Variants in TMEM132D observed in about 807,000 individuals in gnomAD.
TMEM132D encodes mature OL transmembrane protein.
In TMEM132D, 21 loss-of-function variants were observed where a neutral mutation model predicts 62.3. The ratio of observed to expected loss-of-function variants is 0.34; its 90% CI spans 0.24 to 0.49. The LOEUF (loss-of-function observed/expected upper bound fraction) is 0.49. TMEM132D is among the 20% of genes least tolerant of loss of function. The pLI is 0.99. For synonymous variants in TMEM132D, 621 were observed against 575.6 expected (o/e 1.08, Z -1.13); for missense variants, 1,346 against 1,402.8 (o/e 0.96, Z 0.65).
intron 1 of TMEM132D, among the ~76,000 whole-genome samples, chr12:129,809,467 G>A (rs947737918): frequency 1.3e-5 from 2 of 152,046 alleles, no homozygotes; most frequent in South Asian, 2.1e-4. Flanking sequence ...GAGTCAGTGC[G>A]TGAGGGGTTT....
intron 1 of TMEM132D, among the ~76,000 whole-genome samples, chr12:129,860,382 G>T (rs1200974302): frequency 6.6e-6 from 1 of 152,160 alleles, no homozygotes; most frequent in African/African-American, 2.4e-5. Flanking sequence ...TGTTAACTTG[G>T]AGTAGATTGA....
intron 2 of TMEM132D, among the ~76,000 whole-genome samples, chr12:129,560,362 C>A (rs370349608): frequency 2.0e-5 from 3 of 151,734 alleles, no homozygotes; most frequent in Admixed American, 2.0e-4. Flanking sequence ...CTCCACTTCC[C>A]AGGCTCAAGC....
chr12:129,674,949 T>C (rs1483755605), intron 2 of TMEM132D, among the ~76,000 whole-genome samples: 1 of 152,232 alleles, frequency 6.6e-6, no homozygotes, highest in Non-Finnish European at 1.5e-5. Context: ...ATTCTGATTG[T>C]TTTCAGCATG....
intron 2 of TMEM132D, among the ~76,000 whole-genome samples, chr12:129,554,120 C>T (rs1190295765): frequency 6.6e-6 from 1 of 152,176 alleles, no homozygotes; most frequent in Non-Finnish European, 1.5e-5. Context: ...TATGTCCCTT[C>T]CACAGTTTCT....
chr12:129,560,210 A>T (rs1268106553), intron 2 of TMEM132D, among the ~76,000 whole-genome samples: 1 of 151,850 alleles, frequency 6.6e-6, no homozygotes, highest in African/African-American at 2.4e-5. Context: ...TTAACATTCA[A>T]CATGCATCTT....
chr12:129,760,207 C>T (rs1190339476), intron 1 of TMEM132D, among the ~76,000 whole-genome samples: 2 of 151,896 alleles, frequency 1.3e-5, no homozygotes, highest in Admixed American at 6.6e-5. Flanking sequence ...GTGCCCAGCC[C>T]ATCTCCTCTT....
At chr12:129,710,145 T>A (rs1170371585) in intron 1 of TMEM132D, among the ~76,000 whole-genome samples, 2 of 152,154 alleles carry the variant, frequency 1.3e-5, no homozygotes, top group African/African-American at 4.8e-5. Context: ...TATACCCACA[T>A]AAAGGAAAAA....
chr12:129,081,562 T>C (rs1874445726), intron 7 of TMEM132D, among the ~76,000 whole-genome samples, 197 bp downstream of exon 7: 1 of 152,100 alleles, frequency 6.6e-6, no homozygotes, highest in Non-Finnish European at 1.5e-5. Flanking sequence ...CCTCCCAAAG[T>C]GCTGGGATTA....
intron 1 of TMEM132D, among the ~76,000 whole-genome samples, chr12:129,869,011 T>C (rs953098486): frequency 2.0e-5 from 3 of 151,774 alleles, no homozygotes; most frequent in Admixed American, 1.3e-4. Flanking sequence ...GTTTTCATCA[T>C]ATCTGGCCCT....
rs549262886 is a variant in TMEM132D at position 129,739,016 on chromosome 12, G to T, written c.80-38318C>A. On this transcript the variant is annotated intron_variant, in intron 1 of 8. Transcript: ENST00000422113. ...TCTTACCCCAAATCATGGGGCCAGA[G>T]ACTGTTCCATTCCTCTTAAGAAGAC... 4.6e-5 allele frequency among the ~76,000 whole-genome samples: 7 copies of T among 152,284 alleles called. No homozygotes were observed. In the South Asian group the frequency reaches 1.4e-3, roughly 32 times the overall value.
intron 5 of TMEM132D, chr12:129,208,617 T>C (rs1342469310): frequency 1.3e-5 from 2 of 152,212 alleles, no homozygotes; most frequent in Non-Finnish European, 2.9e-5. Flanking sequence ...TGTCCGGGAA[T>C]TGTCCTGTGC....
intron 4 of TMEM132D, among the ~76,000 whole-genome samples, chr12:129,244,384 T>TCAAAAA (rs1880027041): frequency 4.3e-5 from 1 of 23,366 alleles, no homozygotes; most frequent in African/African-American, 1.8e-4. Context: ...AGACTCTGTC[T>TCAAAAA]CAAAAAAAAA....
At chr12:129,365,257 ACT>A (rs1393336097) in intron 3 of TMEM132D, among the ~76,000 whole-genome samples, 1 of 151,696 alleles carries the variant, frequency 6.6e-6, no homozygotes, top group East Asian at 1.9e-4. Context: ...AACACTAAAA[ACT>A]CTCTGTGAGT....
chr12:129,704,209 T>A (rs1881449791), intron 1 of TMEM132D, among the ~76,000 whole-genome samples: 1 of 152,236 alleles, frequency 6.6e-6, no homozygotes, highest in African/African-American at 2.4e-5. Flanking sequence ...AATCTGGCAA[T>A]CCTCAGCATG....
chr12:129,430,924 G>A (rs183207294), intron 3 of TMEM132D, among the ~76,000 whole-genome samples: 1 of 152,318 alleles, frequency 6.6e-6, no homozygotes, highest in East Asian at 1.9e-4. Flanking sequence ...CAAATTAGTT[G>A]GATACCAGCA....
intron 2 of TMEM132D, among the ~76,000 whole-genome samples, chr12:129,533,667 G>A (rs1200060126): frequency 6.6e-6 from 1 of 152,174 alleles, no homozygotes; most frequent in African/African-American, 2.4e-5. Context: ...AGGACACAGT[G>A]GCTTGTTCAA....
At chr12:129,471,004 C>G (rs1209200232) in intron 3 of TMEM132D, among the ~76,000 whole-genome samples, 2 of 152,166 alleles carry the variant, frequency 1.3e-5, no homozygotes, top group African/African-American at 4.8e-5. Context: ...ATGAGCATTT[C>G]TGGGATCTAG....
intron 1 of TMEM132D, among the ~76,000 whole-genome samples, chr12:129,793,629 G>C (rs774144759): frequency 2.0e-5 from 3 of 152,232 alleles, no homozygotes; most frequent in East Asian, 1.9e-4. Flanking sequence ...GCCTCCCAAA[G>C]TGTTGGGATG....
chr12:129,900,912 T>C (rs765595596), intron 1 of TMEM132D, among the ~76,000 whole-genome samples: 3 of 152,170 alleles, frequency 2.0e-5, no homozygotes, highest in Non-Finnish European at 4.4e-5. Flanking sequence ...CAAAACTTTA[T>C]GTTTATTTGT....
Sources: gnomAD v4.1 joint callset for allele counts (sites outside exome capture counted in the v4.1 genomes callset) on GRCh38, gnomAD v4.1.1 for gene constraint, MANE v1.5 for transcripts, NCBI Gene and HGNC (gene_info 2026-07-23, HGNC 2026-07-21) for gene names.